Variants in VPS13A observed in about 807,000 individuals in gnomAD.
VPS13A encodes vacuolar protein sorting 13 homolog A.
A neutral mutation model predicts 390.9 loss-of-function variants in VPS13A; 264 were observed. The observed-to-expected ratio is 0.68, with a 90% confidence interval of 0.61 to 0.75. The LOEUF is 0.75. Ranked by LOEUF, VPS13A falls within the 30% of genes least tolerant of loss-of-function variation. The probability of loss-of-function intolerance (pLI) is 0.00; values close to 1 mark genes in which losing one functional copy is unlikely to be tolerated. For missense variants in VPS13A, 3,409 were observed against 3,733.9 expected (o/e 0.91, Z 2.27); for synonymous variants, 1,231 against 1,227.1 (o/e 1.00, Z -0.07).
Position 77,408,174 on chromosome 9 carries a change from G to GCAAT in VPS13A, c.9474+574_9474+577dup, listed in dbSNP as rs1182846570. Reference sequence around the variant, plus strand: ...CATGGTGTGTACTTTAGGGATTATGGCAATCAATCACAAGGATGTGCACTG... The same window carrying GCAAT: ...CATGGTGTGTACTTTAGGGATTATGGCAATCAATCAATCACAAGGATGTGCACTG... On this transcript the variant is annotated intron_variant, in intron 71 of 71. Transcript: ENST00000360280. 2.6e-5 allele frequency among the ~76,000 whole-genome samples: 4 copies of GCAAT among 152,286 alleles called. No individual in the cohort carries two copies. The East Asian group carries it at 5.8e-4, about 22-fold the overall frequency.
intron 68 of VPS13A, chr9:77,382,392 A>G (rs1443105797): frequency 1.4e-6 from 2 of 1,461,594 alleles, no homozygotes; most frequent in African/African-American, 1.5e-5. Flanking sequence ...TATTTTGAAT[A>G]CAAAGAAAAC....
At chr9:77,387,223 T>C (rs150975703) in intron 68 of VPS13A, among the ~76,000 whole-genome samples, 1 of 152,324 alleles carries the variant, frequency 6.6e-6, no homozygotes, top group East Asian at 1.9e-4. Context: ...TATATTCTTA[T>C]TTCTTATCAA....
intron 68 of VPS13A, among the ~76,000 whole-genome samples, chr9:77,401,817 A>ATATT (rs905768871): frequency 2.6e-5 from 4 of 152,226 alleles, no homozygotes; most frequent in African/African-American, 9.6e-5. Context: ...TGGTTTGAAA[A>ATATT]TATTAAATGG....
chr9:77,399,729 C>T (rs902646786), intron 68 of VPS13A, among the ~76,000 whole-genome samples: 1 of 152,100 alleles, frequency 6.6e-6, no homozygotes, highest in African/African-American at 2.4e-5. Context: ...AAAATAAAAG[C>T]TTAACTTCTG....
chr9:77,344,395 C>A (rs1831027979), intron 51 of VPS13A, 114 bp downstream of exon 51: 2 of 1,175,248 alleles, frequency 1.7e-6, no homozygotes, highest in Non-Finnish European at 2.4e-6. Flanking sequence ...TCCCCTTTCC[C>A]CAAAAACGAA....
chr9:77,382,792 C>G (rs1325900212), intron 68 of VPS13A: 1 of 985,270 alleles, frequency 1.0e-6, no homozygotes, highest in Non-Finnish European at 1.2e-6. Flanking sequence ...CACATGCAAA[C>G]CAGTATCTTT....
At chr9:77,374,395 T>C (rs996881224) in intron 67 of VPS13A, among the ~76,000 whole-genome samples, 2 of 152,154 alleles carry the variant, frequency 1.3e-5, no homozygotes, top group Non-Finnish European at 2.9e-5. Flanking sequence ...AATACCGCAA[T>C]AGTCAGGATG....
At chr9:77,395,908 C>T (rs1834101597) in intron 68 of VPS13A, 1 of 152,158 alleles carries the variant, frequency 6.6e-6, no homozygotes, top group Non-Finnish European at 1.5e-5. Flanking sequence ...GTTTTCCACA[C>T]ATGCTAATTG....
intron 71 of VPS13A, among the ~76,000 whole-genome samples, chr9:77,408,532 C>A (rs566525285): frequency 5.3e-5 from 8 of 152,316 alleles, no homozygotes; most frequent in Admixed American, 5.2e-4. Context: ...CAGGGAATTC[C>A]CTTTCCTAGT....
chr9:77,378,040 A>G (rs1833202992), intron 67 of VPS13A, among the ~76,000 whole-genome samples: 1 of 152,112 alleles, frequency 6.6e-6, no homozygotes, highest in South Asian at 2.1e-4. Context: ...AATCGTTTTT[A>G]TATTTTACTG....
chr9:77,179,178 A>C (rs963580722), intron 1 of VPS13A, among the ~76,000 whole-genome samples: 1 of 152,214 alleles, frequency 6.6e-6, no homozygotes, highest in African/African-American at 2.4e-5. Flanking sequence ...TCTTGCTTCC[A>C]CATTCAGGGT....
chr9:77,184,074 G>A (rs1824181947), intron 1 of VPS13A, among the ~76,000 whole-genome samples: 1 of 151,964 alleles, frequency 6.6e-6, no homozygotes, highest in Non-Finnish European at 1.5e-5. Flanking sequence ...TTCCTTTTGA[G>A]GTAAAATTTA....
chr9:77,401,945 T>C (rs756948821), intron 68 of VPS13A, among the ~76,000 whole-genome samples: 6 of 152,164 alleles, frequency 3.9e-5, no homozygotes, highest in Non-Finnish European at 7.4e-5. Context: ...TTATCATAGG[T>C]GTGTGTATAT....
intron 13 of VPS13A, 145 bp downstream of exon 13, chr9:77,221,501 T>A: frequency 1.2e-6 from 1 of 831,270 alleles, no homozygotes; most frequent in Non-Finnish European, 1.9e-6. Context: ...CTTCTGTTCT[T>A]AACTTCAGCT....
At position 77,220,982 on chromosome 9, in the gene VPS13A, A is replaced by G. The variant is rs11145342; in HGVS notation, c.990-203A>G. Among the ~76,000 whole-genome samples, 29,728 of 152,042 alleles carry G rather than the reference A, an allele frequency of 0.2. 3,764 individuals carry two copies. Among genetic ancestry groups the G allele is most frequent in the East Asian group, 0.4 (2,061 of 5,166 alleles). On this transcript the variant is annotated intron_variant, in intron 12 of 71. Transcript: ENST00000360280. Reference sequence around the variant, plus strand: ...TTAACAAAATGGAGTGATTTTGCTTATTTTCACTTAAGAAAGAGGAAAGAT... The same window carrying G: ...TTAACAAAATGGAGTGATTTTGCTTGTTTTCACTTAAGAAAGAGGAAAGAT...
chr9:77,313,840 G>A, intron 35 of VPS13A, 152 bp from the exon 36 acceptor site: 1 of 833,478 alleles, frequency 1.2e-6, no homozygotes, highest in South Asian at 1.9e-5. Flanking sequence ...AGAAGTTACT[G>A]AGTTTTACAT....
Position 77,252,347 on chromosome 9 carries a change from G to A in VPS13A, c.2283G>A (p.Met761Ile), listed in dbSNP as rs777929943. ...CCATGGTTTTCATGGATGTAAGGAT[G>A]CCCAAGTATGTACTGTTTGTTTCAT... ...SKAMVFMDVR[M>I]PKFKIYGKLP... Residue 761 changes from methionine (M) to isoleucine (I), a missense_variant, in exon 22 of 72, where the codon ATG (methionine) becomes ATA (isoleucine). Coordinates refer to ENST00000360280, the MANE Select transcript of VPS13A (RefSeq NM_033305.3). 1 of 1,608,744 alleles carries A rather than the reference G, an allele frequency of 6.2e-7. No homozygotes were observed. Among genetic ancestry groups the A allele is most frequent in the Admixed American group, 1.7e-5 (1 of 59,994 alleles).
At chr9:77,350,748 C>T (rs979805211) in intron 52 of VPS13A, among the ~76,000 whole-genome samples, 1 of 152,036 alleles carries the variant, frequency 6.6e-6, no homozygotes, top group African/African-American at 2.4e-5. Flanking sequence ...TCATTTATGT[C>T]TGATACCCAG....
Position 77,407,559 on chromosome 9 carries a change from CAG to C in VPS13A, c.9431_9432del (p.Glu3144ValfsTer6), listed in dbSNP as rs1085307750. The stretch of plus-strand genomic sequence containing the variant: ...AACGAGTGAAGTCTGTATTTCATGC[CAG>C]AGAGTTTGGAAAAATAATTAACTTC... ...KERVKSVFHA[R>X]EFGKIINFKT... On this transcript the variant is annotated frameshift_variant, in exon 71 of 72. Coordinates refer to ENST00000360280, the MANE Select transcript of VPS13A (RefSeq NM_033305.3). LOFTEE classifies it high-confidence loss of function. 73 of 1,612,790 alleles carry C rather than the reference CAG, an allele frequency of 4.5e-5. No homozygotes were observed. The highest frequency in any genetic ancestry group is 5.5e-5 in the Non-Finnish European group (65 of 1,179,216).
Sources: gnomAD v4.1 joint callset for allele counts (sites outside exome capture counted in the v4.1 genomes callset) on GRCh38, gnomAD v4.1.1 for gene constraint, MANE v1.5 for transcripts, NCBI Gene and HGNC (gene_info 2026-07-23, HGNC 2026-07-21) for gene names.